FHIT: variants seen among roughly 807,000 people sequenced by gnomAD.
FHIT encodes bis(5'-adenosyl)-triphosphatase.
In FHIT, 19 loss-of-function variants were observed where a neutral mutation model predicts 17.9. That is an observed-to-expected ratio of 1.06 (90% CI 0.74 to 1.56). The LOEUF (loss-of-function observed/expected upper bound fraction) is 1.56, where lower values mean the gene tolerates loss of function less well. Among genes scored for constraint, FHIT ranks in the 40% most tolerant of loss-of-function variants. The pLI is 0.00. For synonymous variants in FHIT, 81 were observed against 69.7 expected, an observed-to-expected ratio of 1.16 and a Z score of -0.81; for missense variants, 248 against 189.2, an observed-to-expected ratio of 1.31 and a Z score of -1.82.
intron 4 of FHIT, among the ~76,000 whole-genome samples, chr3:60,709,093 C>T (rs2041449610): frequency 6.6e-6 from 1 of 152,102 alleles, no homozygotes; most frequent in African/African-American, 2.4e-5. Context: ...CTGTGGAAGG[C>T]CCCAAAGAGT....
intron 4 of FHIT, among the ~76,000 whole-genome samples, chr3:60,699,338 G>A (rs2041185225): frequency 6.6e-6 from 1 of 152,100 alleles, no homozygotes; most frequent in Non-Finnish European, 1.5e-5. Context: ...CTGCCTTCCA[G>A]AAAGTTTACT....
chr3:61,060,103 A>T (rs1053995184), intron 2 of FHIT, among the ~76,000 whole-genome samples: 1 of 152,068 alleles, frequency 6.6e-6, no homozygotes, highest in African/African-American at 2.4e-5. Context: ...GCCATCCGAG[A>T]CCCTCAACTG....
intron 5 of FHIT, among the ~76,000 whole-genome samples, chr3:60,022,516 T>C (rs1461193472): frequency 6.6e-6 from 1 of 152,188 alleles, no homozygotes; most frequent in African/African-American, 2.4e-5. Flanking sequence ...CAGGCAGCAA[T>C]GCTTTGCAAT....
intron 3 of FHIT, among the ~76,000 whole-genome samples, chr3:60,910,837 G>A (rs1706705500): frequency 1.3e-5 from 2 of 152,288 alleles, no homozygotes; most frequent in South Asian, 4.1e-4. Flanking sequence ...CAGTTGTGAA[G>A]ATACAATAAG....
rs145618938 is a variant in FHIT, at chr3:60,114,488, C to CTTTTTTTTTTTTTTTTTTT, written c.104-100337_104-100336insAAAAAAAAAAAAAAAAAAA. ...TAAAATAAGGAAGAACAAGAGAAAT[C>CTTTTTTTTTTTTTTTTTTT]CTTTTTTTTTTTTTTTTTTTTTTTT... On this transcript the variant is annotated intron_variant, in intron 5 of 9. Transcript: ENST00000492590. Among the ~76,000 whole-genome samples, 12 of 59,484 alleles carry CTTTTTTTTTTTTTTTTTTT rather than the reference C, an allele frequency of 2.0e-4. 3 individuals carry two copies. The highest frequency in any genetic ancestry group is 2.2e-4 in the Admixed American group (1 of 4,492). 39.0% of individuals were successfully genotyped at this position (59,484 alleles called of 152,430 possible).
At chr3:60,347,095 C>T (rs985183253) in intron 5 of FHIT, among the ~76,000 whole-genome samples, 7 of 151,732 alleles carry the variant, frequency 4.6e-5, no homozygotes, top group African/African-American at 1.7e-4. Flanking sequence ...TGCAAAGATT[C>T]CCAATCTGCC....
At chr3:60,482,407 C>T (rs1220193118) in intron 5 of FHIT, among the ~76,000 whole-genome samples, 1 of 152,126 alleles carries the variant, frequency 6.6e-6, no homozygotes, top group Non-Finnish European at 1.5e-5. Context: ...TGGCATTATT[C>T]TAAAATCGAC....
chr3:60,993,395 T>C (rs1050144680), intron 3 of FHIT, among the ~76,000 whole-genome samples: 1 of 152,218 alleles, frequency 6.6e-6, no homozygotes, highest in South Asian at 2.1e-4. Flanking sequence ...TATTGCACAC[T>C]TTACTGCATT....
At chr3:60,801,397 G>A (rs572030003) in intron 4 of FHIT, among the ~76,000 whole-genome samples, 1 of 152,200 alleles carries the variant, frequency 6.6e-6, no homozygotes, top group Non-Finnish European at 1.5e-5. Flanking sequence ...AGGGAGACAA[G>A]AGGATGTGAG....
intron 4 of FHIT, among the ~76,000 whole-genome samples, chr3:60,586,400 C>T (rs1480846432): frequency 6.6e-6 from 1 of 152,000 alleles, no homozygotes; most frequent in East Asian, 1.9e-4. Flanking sequence ...ACCTGAGCTT[C>T]ACCTTCAGCA....
chr3:60,541,055 C>T (rs2036170641), intron 4 of FHIT, among the ~76,000 whole-genome samples: 1 of 152,198 alleles, frequency 6.6e-6, no homozygotes, highest in African/African-American at 2.4e-5. Flanking sequence ...TTCAGAACCA[C>T]TGACCAAACC....
At chr3:60,317,635 G>GTGTATA (rs1553742597) in intron 5 of FHIT, among the ~76,000 whole-genome samples, 32 of 134,472 alleles carry the variant, frequency 2.4e-4, no homozygotes, top group African/African-American at 7.6e-4. Flanking sequence ...GTGTGTGTGT[G>GTGTATA]TATATATATA....
intron 7 of FHIT, among the ~76,000 whole-genome samples, chr3:59,941,902 G>A (rs765939779): frequency 3.9e-5 from 6 of 152,154 alleles, no homozygotes; most frequent in Non-Finnish European, 8.8e-5. Context: ...ACTGTGAACT[G>A]GAAATGTGTT....
chr3:59,881,594 A>C (rs629300), intron 8 of FHIT, among the ~76,000 whole-genome samples: 1 of 152,200 alleles, frequency 6.6e-6, no homozygotes, highest in African/African-American at 2.4e-5. Context: ...AAACAAAACA[A>C]ATCTATCAAC....
At chr3:60,267,038 G>A (rs1032642346) in intron 5 of FHIT, among the ~76,000 whole-genome samples, 1 of 152,034 alleles carries the variant, frequency 6.6e-6, no homozygotes, top group South Asian at 2.1e-4. Flanking sequence ...CAAATTTGCA[G>A]TAAAATTACA....
chr3:59,749,561 T>G lies in FHIT; in HGVS notation c.*24A>C. ...GTTGGCAATAGCTCTTTTGCTGGAA[T>G]TCAGGATCTGAAAAACATCTTAAGC... is the stretch of plus-strand genomic sequence containing the variant. On this transcript the variant is annotated 3_prime_UTR_variant, in exon 10 of 10. Transcript: ENST00000492590. The G allele has an allele frequency of 4.3e-6, 1 of 231,368 alleles. No homozygotes were observed. The highest frequency in any genetic ancestry group is 8.6e-6 in the Non-Finnish European group (1 of 116,900). 14.3% of individuals were successfully genotyped at this position (231,368 alleles called of 1,614,324 possible). A position where few individuals can be genotyped will look rare whatever the true frequency, so the allele number is the denominator to read the frequency against.
At chr3:59,898,864 A>G (rs1371521229) in intron 8 of FHIT, among the ~76,000 whole-genome samples, 1 of 152,190 alleles carries the variant, frequency 6.6e-6, no homozygotes, top group African/African-American at 2.4e-5. Flanking sequence ...TGAACATGAC[A>G]TGCCAGGTAT....
intron 5 of FHIT, among the ~76,000 whole-genome samples, chr3:60,443,778 C>T (rs2031106513): frequency 1.3e-5 from 2 of 151,964 alleles, no homozygotes; most frequent in Non-Finnish European, 2.9e-5. Flanking sequence ...CAGGATGATG[C>T]CGGCCTCATA....
chr3:59,997,657 T>C (rs1275306915), intron 7 of FHIT, among the ~76,000 whole-genome samples: 1 of 152,194 alleles, frequency 6.6e-6, no homozygotes, highest in Non-Finnish European at 1.5e-5. Flanking sequence ...AAGAGAAGAA[T>C]GTGATGTTCA....
Sources: gnomAD v4.1 joint callset for allele counts (sites outside exome capture counted in the v4.1 genomes callset) on GRCh38, gnomAD v4.1.1 for gene constraint, MANE v1.5 for transcripts, NCBI Gene and HGNC (gene_info 2026-07-23, HGNC 2026-07-21) for gene names.